The following NDUFS4 variants were observed in gnomAD, a reference collection of about 807,000 sequenced individuals.
NDUFS4 encodes the protein NADH:ubiquinone oxidoreductase subunit S4, also known as NADH dehydrogenase [ubiquinone] iron-sulfur protein 4, mitochondrial.
A neutral mutation model predicts 24.3 loss-of-function variants in NDUFS4; 28 were observed. The observed-to-expected ratio is 1.15, with a 90% CI of 0.85 to 1.58. The LOEUF is 1.58. Ranked by LOEUF, NDUFS4 falls within the 40% of genes most tolerant of loss-of-function variation. The probability of loss-of-function intolerance (pLI) is 0.00; values close to 1 mark genes in which losing one functional copy is unlikely to be tolerated. For missense variants in NDUFS4, 223 were observed against 207.9 expected, an observed-to-expected ratio of 1.07 and a Z score of -0.45; for synonymous variants, 93 against 69.7, an observed-to-expected ratio of 1.34 and a Z score of -1.67.
chr5:53,655,110 C>T (rs1055068225), intron 3 of NDUFS4, among the ~76,000 whole-genome samples: 8 of 152,076 alleles, frequency 5.3e-5, no homozygotes, highest in African/African-American at 1.9e-4. Context: ...ATGTGTACAA[C>T]GTATTATTTT....
intron 1 of NDUFS4, among the ~76,000 whole-genome samples, chr5:53,580,614 T>C (rs543884966): frequency 6.6e-6 from 1 of 152,352 alleles, no homozygotes; most frequent in Admixed American, 6.5e-5. Context: ...AATGTTACGA[T>C]GATGACTTCC....
intron 1 of NDUFS4, chr5:53,573,577 A>C (rs1265493287): frequency 2.2e-6 from 1 of 450,954 alleles, no homozygotes; most frequent in Non-Finnish European, 4.4e-6. Context: ...TTGCTTTTAA[A>C]ATTTTCTTTT....
At chr5:53,655,663 C>G (rs1246901024) in intron 3 of NDUFS4, among the ~76,000 whole-genome samples, 1 of 151,884 alleles carries the variant, frequency 6.6e-6, no homozygotes, top group Admixed American at 6.6e-5. Flanking sequence ...TTATCTGATC[C>G]CTTATGTTTC....
chr5:53,593,071 A>T (rs1215842302), intron 1 of NDUFS4, among the ~76,000 whole-genome samples: 1 of 152,138 alleles, frequency 6.6e-6, no homozygotes, highest in Non-Finnish European at 1.5e-5. Context: ...AGAATGAGGT[A>T]CTACATGCTT....
At chr5:53,636,687 C>T (rs982175362) in intron 2 of NDUFS4, among the ~76,000 whole-genome samples, 1 of 152,152 alleles carries the variant, frequency 6.6e-6, no homozygotes, top group Non-Finnish European at 1.5e-5. Flanking sequence ...TAATCCCCGA[C>T]ATTGGAGGTG....
In NDUFS4 at chr5:53,606,358, A is replaced by G. The variant is rs143322156; in HGVS notation, c.177+2828A>G. On this transcript the variant is annotated intron_variant, in intron 2 of 4. Transcript: ENST00000296684. Reference sequence around the variant, plus strand: ...GGTGAAGTGGGAGCAGGCACATCATATGACAAAAGCAGGTGCAAGGGACAG... The same window carrying G: ...GGTGAAGTGGGAGCAGGCACATCATGTGACAAAAGCAGGTGCAAGGGACAG... Among the ~76,000 whole-genome samples the G allele has an allele frequency of 4.7e-3, 708 of 152,182 alleles. 5 individuals are homozygous for G. Among genetic ancestry groups the G allele is most frequent in the African/African-American group, 0.016 (682 of 41,526 alleles).
At chr5:53,595,041 C>T (rs756363771) in intron 1 of NDUFS4, among the ~76,000 whole-genome samples, 9 of 152,122 alleles carry the variant, frequency 5.9e-5, no homozygotes, top group Admixed American at 1.3e-4. Context: ...CTTTTCACCA[C>T]TGATTTAAAA....
intron 2 of NDUFS4, chr5:53,604,880 A>T (rs755599265): frequency 4.4e-6 from 2 of 456,182 alleles, no homozygotes; most frequent in South Asian, 3.1e-5. Flanking sequence ...GTCACCATCT[A>T]CCTATTCTTC....
chr5:53,614,933 A>G (rs1290354319), intron 2 of NDUFS4, among the ~76,000 whole-genome samples: 2 of 151,946 alleles, frequency 1.3e-5, no homozygotes, highest in African/African-American at 2.4e-5. Flanking sequence ...ATATCTGAAA[A>G]TACATTATTA....
At chr5:53,652,317 TGA>T (rs1173089451) in intron 3 of NDUFS4, among the ~76,000 whole-genome samples, 1 of 152,158 alleles carries the variant, frequency 6.6e-6, no homozygotes, top group Admixed American at 6.5e-5. Context: ...CATATTTCAT[TGA>T]GCAGCAGAGG....
intron 2 of NDUFS4, among the ~76,000 whole-genome samples, chr5:53,642,424 C>T (rs564514899): frequency 2.6e-5 from 4 of 152,094 alleles, no homozygotes; most frequent in African/African-American, 4.8e-5. Context: ...CGGCAGATGA[C>T]GGACAATGAT....
intron 4 of NDUFS4, among the ~76,000 whole-genome samples, chr5:53,659,952 T>G (rs779251655): frequency 1.5e-4 from 23 of 152,150 alleles, no homozygotes; most frequent in Non-Finnish European, 3.2e-4. Context: ...GACTAGGGTC[T>G]GACAAATACT....
At chr5:53,607,468 T>G (rs1270988008) in intron 2 of NDUFS4, among the ~76,000 whole-genome samples, 2 of 152,108 alleles carry the variant, frequency 1.3e-5, no homozygotes, top group Non-Finnish European at 2.9e-5. Context: ...AATTAAAAAT[T>G]GAAATTCTGT....
At chr5:53,578,080 A>T (rs1198005812) in intron 1 of NDUFS4, among the ~76,000 whole-genome samples, 14 of 152,162 alleles carry the variant, frequency 9.2e-5, no homozygotes. Flanking sequence ...CTTGTCTTCC[A>T]TTTTATTAAT....
At chr5:53,584,243 G>A (rs1749668430) in intron 1 of NDUFS4, among the ~76,000 whole-genome samples, 1 of 152,200 alleles carries the variant, frequency 6.6e-6, no homozygotes, top group African/African-American at 2.4e-5. Context: ...ATTGGGTTTA[G>A]CATTGTGCGT....
intron 1 of NDUFS4, chr5:53,573,602 T>G (rs2112417689): frequency 2.2e-6 from 1 of 453,184 alleles, no homozygotes; most frequent in East Asian, 7.0e-5. Flanking sequence ...ATTTTTTATT[T>G]TTTAGAGACA....
At chr5:53,597,584 C>T (rs542198796) in intron 1 of NDUFS4, among the ~76,000 whole-genome samples, 3 of 152,118 alleles carry the variant, frequency 2.0e-5, no homozygotes, top group African/African-American at 7.2e-5. Context: ...TAAAAATCTT[C>T]ACTGTTTAAG....
chr5:53,578,073 G>A (rs1749443299), intron 1 of NDUFS4, among the ~76,000 whole-genome samples: 1 of 152,154 alleles, frequency 6.6e-6, no homozygotes, highest in Admixed American at 6.5e-5. Context: ...TGATAGTCTT[G>A]TCTTCCATTT....
At chr5:53,664,503 C>T (rs1051403458) in intron 4 of NDUFS4, among the ~76,000 whole-genome samples, 4 of 152,160 alleles carry the variant, frequency 2.6e-5, no homozygotes, top group South Asian at 2.1e-4. Flanking sequence ...CATATAGTCC[C>T]GTATTTGTTG....
Sources: gnomAD v4.1 joint callset for allele counts (sites outside exome capture counted in the v4.1 genomes callset) on GRCh38, gnomAD v4.1.1 for gene constraint, MANE v1.5 for transcripts, NCBI Gene and HGNC (gene_info 2026-07-23, HGNC 2026-07-21) for gene names.